The following DMD variants were observed in gnomAD, a reference collection of about 807,000 sequenced individuals.
The protein encoded by DMD is dystrophin.
A neutral mutation model predicts 330.1 loss-of-function variants in DMD; 63 were observed. That is an observed-to-expected ratio of 0.19 (90% CI 0.16 to 0.24). The LOEUF (loss-of-function observed/expected upper bound fraction) is 0.24. DMD is among the 10% of genes least tolerant of loss of function. The pLI is 1.00. For synonymous variants in DMD, 1,223 were observed against 959.8 expected (o/e 1.27, Z -5.07); for missense variants, 3,344 against 2,684.1 (o/e 1.25, Z -5.43).
At chrX:32,618,476 A>C (rs1207116966) in intron 11 of DMD, among the ~76,000 whole-genome samples, 1 of 111,429 alleles carries the variant, frequency 9.0e-6, no homozygotes, top group African/African-American at 3.3e-5. Context: ...ACACATGGGC[A>C]CATAGAGGGA....
intron 1 of DMD, among the ~76,000 whole-genome samples, chrX:33,326,679 T>A (rs1156995517): frequency 8.9e-6 from 1 of 112,105 alleles, no homozygotes; most frequent in Non-Finnish European, 1.9e-5. Flanking sequence ...ATAAATAATA[T>A]AAAGCCACCT....
intron 45 of DMD, among the ~76,000 whole-genome samples, chrX:31,944,478 C>T (rs2095055722): frequency 9.5e-6 from 1 of 105,505 alleles, no homozygotes; most frequent in Non-Finnish European, 1.9e-5. Context: ...GAACAATTAC[C>T]ACTTTTTTTT....
chrX:31,949,763 A>C (rs909858150), intron 45 of DMD, among the ~76,000 whole-genome samples: 1 of 110,990 alleles, frequency 9.0e-6, no homozygotes, highest in East Asian at 2.8e-4. Context: ...TCTTTCTAAG[A>C]ATTTTTTCAT....
intron 13 of DMD, among the ~76,000 whole-genome samples, chrX:32,592,457 A>G (rs1159208050): frequency 9.0e-6 from 1 of 110,554 alleles, no homozygotes; most frequent in Non-Finnish European, 1.9e-5. Flanking sequence ...GCCACCCACC[A>G]TGGGTCTCCT....
chrX:32,491,405 T>C lies in DMD; in HGVS notation c.2494A>G (p.Ile832Val), dbSNP rs370656879. The change falls in exon 20 of 79, where the codon ATC (isoleucine) becomes GTC (valine). Residue 832 changes from isoleucine to valine, a missense_variant. Coordinates refer to ENST00000357033, the MANE Select transcript of DMD (RefSeq NM_004006.3). Reference sequence around the variant, plus strand: ...TGTAGCTGATTATAGAAAGCGATGATGTTGTTCTGATACTCCAGCCAGTTA... The same window carrying C: ...TGTAGCTGATTATAGAAAGCGATGACGTTGTTCTGATACTCCAGCCAGTTA... ...RLNWLEYQNN[I>V]IAFYNQLQQL... 2 of 1,210,213 alleles carry C rather than the reference T, an allele frequency of 1.7e-6. No homozygotes were observed. Among genetic ancestry groups the C allele is most frequent in the African/African-American group, 3.5e-5 (2 of 57,194 alleles).
chrX:33,267,559 C>G (rs2053066550), intron 1 of DMD, among the ~76,000 whole-genome samples: 2 of 111,299 alleles, frequency 1.8e-5, no homozygotes. Context: ...CCGAAGCCAT[C>G]CTAAGCAGCA....
At chrX:32,287,743 C>T (rs1174396600) in intron 42 of DMD, 42 bp from the exon 43 acceptor site, 1 of 964,343 alleles carries the variant, frequency 1.0e-6, no homozygotes, top group Non-Finnish European at 1.4e-6. Flanking sequence ...AATGAATTAG[C>T]TGTCTATAGA....
intron 63 of DMD, among the ~76,000 whole-genome samples, chrX:31,245,512 G>C (rs969135259): frequency 1.8e-5 from 2 of 111,879 alleles, no homozygotes; most frequent in Non-Finnish European, 3.8e-5. Flanking sequence ...GCACTTTGCT[G>C]TATTGCACTT....
intron 20 of DMD, among the ~76,000 whole-genome samples, chrX:32,485,419 A>C (rs973706959): frequency 9.0e-6 from 1 of 110,934 alleles, no homozygotes; most frequent in Non-Finnish European, 1.9e-5. Flanking sequence ...CATAAATCAA[A>C]TATAGGTGTT....
At chrX:33,004,989 G>A (rs2093363145) in intron 2 of DMD, among the ~76,000 whole-genome samples, 1 of 110,735 alleles carries the variant, frequency 9.0e-6, no homozygotes, top group Admixed American at 9.7e-5. Context: ...TATTTTATTG[G>A]TATTTGTTTG....
intron 34 of DMD, among the ~76,000 whole-genome samples, chrX:32,373,365 A>G (rs2097887633): frequency 9.2e-6 from 1 of 108,169 alleles, no homozygotes; most frequent in African/African-American, 3.3e-5. Context: ...TGCTGCTTCT[A>G]TATTAGCTTT....
At chrX:31,517,962 CA>C (rs1236682191) in intron 55 of DMD, among the ~76,000 whole-genome samples, 23 of 103,528 alleles carry the variant, frequency 2.2e-4, no homozygotes, top group African/African-American at 4.6e-4. Context: ...CACACACACA[CA>C]CCTTGGGGCC....
chrX:32,836,777 G>C (rs778943766), intron 4 of DMD, among the ~76,000 whole-genome samples: 10 of 111,772 alleles, frequency 8.9e-5, no homozygotes, highest in Non-Finnish European at 1.9e-5. Context: ...TATATTATTA[G>C]TTTCTACTGT....
intron 44 of DMD, among the ~76,000 whole-genome samples, chrX:32,179,706 A>T (rs867693915): frequency 2.7e-5 from 3 of 111,918 alleles, no homozygotes; most frequent in Admixed American, 9.4e-5. Flanking sequence ...CCCATGTGTC[A>T]TGGGAGTGAC....
At chrX:33,022,465 C>T (rs73621865) in intron 1 of DMD, among the ~76,000 whole-genome samples, 1,173 of 110,410 alleles carry the variant, frequency 0.011, 20 homozygotes, top group East Asian at 0.096. Flanking sequence ...CTCACCTCTA[C>T]GTCTTTAATA....
chrX:32,810,112 G>C (rs891302178), intron 6 of DMD, among the ~76,000 whole-genome samples: 5 of 110,179 alleles, frequency 4.5e-5, no homozygotes, highest in African/African-American at 1.3e-4. Flanking sequence ...AACAGAGTGA[G>C]ACCCTGTATC....
chrX:31,715,422 A>C (rs1469338813), intron 52 of DMD, among the ~76,000 whole-genome samples: 1 of 104,218 alleles, frequency 9.6e-6, no homozygotes, highest in East Asian at 3.1e-4. Flanking sequence ...GCGCGCCTGT[A>C]GTCCCAGCTA....
intron 2 of DMD, among the ~76,000 whole-genome samples, chrX:32,895,694 G>A (rs1439151505): frequency 9.0e-6 from 1 of 111,711 alleles, no homozygotes; most frequent in Non-Finnish European, 1.9e-5. Context: ...GAGGCTTCCA[G>A]GCCTTAGCAA....
intron 64 of DMD, among the ~76,000 whole-genome samples, chrX:31,222,467 T>C (rs2046206737): frequency 9.6e-6 from 1 of 104,064 alleles, no homozygotes; most frequent in South Asian, 4.4e-4. Flanking sequence ...ATATCATCAA[T>C]GCACACAGAC....
Sources: allele counts gnomAD v4.1 joint callset (sites outside exome capture counted in the v4.1 genomes callset), GRCh38; gene constraint gnomAD v4.1.1; transcripts MANE v1.5; gene names NCBI Gene and HGNC (gene_info 2026-07-23, HGNC 2026-07-21).